DAB2IP: variants seen among roughly 807,000 people sequenced by gnomAD.
The protein encoded by DAB2IP is disabled homolog 2-interacting protein.
A neutral mutation model predicts 107.2 loss-of-function variants in DAB2IP; 28 were observed. The ratio of observed to expected loss-of-function variants is 0.26; its 90% CI spans 0.19 to 0.36. The LOEUF is 0.36. Among genes scored for constraint, DAB2IP ranks in the 10% least tolerant of loss-of-function variants. The probability of loss-of-function intolerance (pLI) is 1.00; values close to 1 mark genes in which losing one functional copy is unlikely to be tolerated. For synonymous variants in DAB2IP, 755 were observed against 706.4 expected (o/e 1.07, Z -1.09); for missense variants, 1,400 against 1,644.7 (o/e 0.85, Z 2.57).
Position 121,634,746 on chromosome 9 carries a change from T to C in DAB2IP, c.41-43932T>C, listed in dbSNP as rs1832020783. The stretch of plus-strand genomic sequence containing the variant: ...CCCCTGGCCCTGGTGGTCTAGCCTC[T>C]AAAGGAAGCAGATGATAGCAATAGG... On this transcript the variant is annotated intron_variant, in intron 1 of 16. Transcript: ENST00000259371. This position sits in a 1 kb window ranked among gnomAD's most constrained non-coding sequence, Gnocchi z 4.7. Among the ~76,000 whole-genome samples, 1 of 152,016 alleles carries C rather than the reference T, an allele frequency of 6.6e-6. No individual in the cohort carries two copies. The highest frequency in any genetic ancestry group is 1.5e-5 in the Non-Finnish European group (1 of 67,984).
At chr9:121,657,292 C>T (rs950772332) in intron 1 of DAB2IP, among the ~76,000 whole-genome samples, 3 of 152,242 alleles carry the variant, frequency 2.0e-5, no homozygotes, top group African/African-American at 4.8e-5. Flanking sequence ...ATCCCCAGAG[C>T]TCTCTAGGTC....
intron 2 of DAB2IP, among the ~76,000 whole-genome samples, chr9:121,682,201 C>G (rs763729351): frequency 6.6e-6 from 1 of 152,186 alleles, no homozygotes; most frequent in Non-Finnish European, 1.5e-5. Flanking sequence ...AAAGCTATGT[C>G]CTCACGTGCT....
chr9:121,766,424 C>G, intron 8 of DAB2IP, 70 bp from the exon 9 acceptor site: 1 of 1,439,900 alleles, frequency 6.9e-7, no homozygotes, highest in Non-Finnish European at 9.6e-7. Context: ...AATGCAGGTT[C>G]CTGCTCTGTG....
At chr9:121,649,844 C>T (rs914385), upstream of DAB2IP, among the ~76,000 whole-genome samples, 249 of 152,340 alleles carry the variant, frequency 1.6e-3, 1 homozygote, top group African/African-American at 5.6e-3. Context: ...TTTTTAGAGA[C>T]GTTCCTGCAC....
At chr9:121,664,033 G>A (rs912122163) in intron 1 of DAB2IP, among the ~76,000 whole-genome samples, 1 of 152,168 alleles carries the variant, frequency 6.6e-6, no homozygotes, top group East Asian at 1.9e-4. Context: ...ATACAAATAC[G>A]TGGCACAGTC....
At chr9:121,675,463 A>G (rs1833863389) in intron 1 of DAB2IP, among the ~76,000 whole-genome samples, 1 of 152,170 alleles carries the variant, frequency 6.6e-6, no homozygotes, top group African/African-American at 2.4e-5. Flanking sequence ...TAGGGTCCTG[A>G]CTGTGCCTGG....
chr9:121,673,889 T>A (rs949997733), intron 1 of DAB2IP, among the ~76,000 whole-genome samples: 1 of 152,144 alleles, frequency 6.6e-6, no homozygotes, highest in Non-Finnish European at 1.5e-5. Flanking sequence ...TCCCATCAGC[T>A]CCATGGGTGA....
At chr9:121,616,827 A>G (rs1831296109) in intron 1 of DAB2IP, among the ~76,000 whole-genome samples, 1 of 152,214 alleles carries the variant, frequency 6.6e-6, no homozygotes, top group Admixed American at 6.5e-5. Context: ...GAGCCTTTAA[A>G]GAGAGCAGCG....
At chr9:121,606,402 GCATTTATAT>G (rs1830872794) in intron 1 of DAB2IP, among the ~76,000 whole-genome samples, 1 of 151,622 alleles carries the variant, frequency 6.6e-6, no homozygotes, top group Admixed American at 6.6e-5. Context: ...ACAGCACAAA[GCATTTATAT>G]CACACTTTCT....
At chr9:121,574,486 G>A (rs1217937992) in intron 1 of DAB2IP, among the ~76,000 whole-genome samples, 5 of 152,114 alleles carry the variant, frequency 3.3e-5, no homozygotes, top group South Asian at 2.1e-4. Context: ...CCTTCTATAA[G>A]TGAAAAAATT....
chr9:121,698,298 C>A lies in DAB2IP; in HGVS notation c.229-1027C>A, dbSNP rs1374207559. Among the ~76,000 whole-genome samples the A allele has an allele frequency of 6.6e-6, 1 of 152,098 alleles. No homozygotes were observed. The highest frequency in any genetic ancestry group is 1.5e-5 in the Non-Finnish European group (1 of 68,032). On this transcript the variant is annotated intron_variant, in intron 2 of 15. Coordinates refer to ENST00000408936, the Ensembl canonical transcript of DAB2IP. The surrounding 1 kb of genome is among the most constrained non-coding windows in gnomAD (Gnocchi z 4.1). ...TCAAGCTGCCTGTAGTTTCCAAGCC[C>A]GGCAGGACACAGGCTGTGTCCCCTG...
rs556052407 is a variant in DAB2IP, at chr9:121,740,435, A to T, written c.363-16578A>T. On this transcript the variant is annotated intron_variant, in intron 3 of 15. Coordinates refer to ENST00000408936, the Ensembl canonical transcript of DAB2IP. ...TCTGGGTCCACGGCCCCTAAATAAG[A>T]GTATCCTGGAGCCTGGCTTACCTCA... 7.9e-5 allele frequency among the ~76,000 whole-genome samples: 12 copies of T among 152,230 alleles called. 1 individual carries two copies. In the South Asian group the frequency reaches 2.5e-3, roughly 32 times the overall value.
intron 1 of DAB2IP, among the ~76,000 whole-genome samples, chr9:121,627,952 G>T (rs745554693): frequency 3.3e-5 from 5 of 152,176 alleles, no homozygotes; most frequent in Admixed American, 2.0e-4. Context: ...CTCCGTGGGG[G>T]TTCTGCTTCA....
At chr9:121,616,423 C>T (rs74385307) in intron 1 of DAB2IP, among the ~76,000 whole-genome samples, 2,512 of 152,292 alleles carry the variant, frequency 0.016, 85 homozygotes, top group African/African-American at 0.057. Context: ...TAATTCAGAG[C>T]TTCTGAACGT....
Position 121,697,945 on chromosome 9 carries a change from A to G in DAB2IP, c.229-1380A>G, listed in dbSNP as rs572865067. On this transcript the variant is annotated intron_variant, in intron 2 of 15. Coordinates refer to ENST00000408936, the Ensembl canonical transcript of DAB2IP. ...TTTACCTGTCTGAGCAAGCTTCTTC[A>G]TTTGCAGCAAATGTTTTTCTGTCAT... Among the ~76,000 whole-genome samples the G allele has an allele frequency of 1.5e-4, 23 of 152,276 alleles. No individual in the cohort carries two copies. In the East Asian group the frequency reaches 4.1e-3, roughly 27 times the overall value.
At position 121,593,649 on chromosome 9, in the gene DAB2IP, T is replaced by TTTTTATC. The variant is rs1564688807; in HGVS notation, c.40+26425_40+26426insATCTTTT. ...TAGTTTTATTTTATTTTCTTTTTCTTTTTTTTCTTTTTTCTTTTTTTTTCT... is the reference window on the plus strand; with the variant it reads ...TAGTTTTATTTTATTTTCTTTTTCTTTTTTATCTTTTTTCTTTTTTCTTTTTTTTTCT... On this transcript the variant is annotated intron_variant, in intron 1 of 16. Transcript: ENST00000259371. Among the ~76,000 whole-genome samples the TTTTTATC allele has an allele frequency of 6.9e-5, 10 of 145,508 alleles. No individual in the cohort carries two copies. In the South Asian group the frequency reaches 2.2e-3, roughly 32 times the overall value.
chr9:121,577,525 G>A (rs551340089), intron 1 of DAB2IP, among the ~76,000 whole-genome samples: 85 of 152,344 alleles, frequency 5.6e-4, no homozygotes, highest in Admixed American at 2.2e-3. Flanking sequence ...ACGTGAGGGC[G>A]TGGGGGGCCC....
intron 1 of DAB2IP, among the ~76,000 whole-genome samples, chr9:121,589,687 G>A (rs979029487): frequency 2.6e-5 from 4 of 152,114 alleles, no homozygotes; most frequent in South Asian, 2.1e-4. Context: ...AAAAGGAGCC[G>A]AATGACATTG....
chr9:121,654,577 AT>A (rs1313518876), intron 1 of DAB2IP, among the ~76,000 whole-genome samples: 1 of 152,028 alleles, frequency 6.6e-6, no homozygotes, highest in Non-Finnish European at 1.5e-5. Context: ...TAGGGCAGCC[AT>A]TGCCCTCCCT....
Sources: gnomAD v4.1 joint callset for allele counts (sites outside exome capture counted in the v4.1 genomes callset) on GRCh38, gnomAD v4.1.1 for gene constraint, Gnocchi (gnomAD v3.1) non-coding constraint, MANE v1.5 for transcripts, NCBI Gene and HGNC (gene_info 2026-07-23, HGNC 2026-07-21) for gene names.